The following ASCL5 variants were observed in gnomAD, a reference collection of about 807,000 sequenced individuals.
ASCL5 encodes the protein achaete-scute homolog 5.
For missense variants in ASCL5, 262 were observed against 268.9 expected, an observed-to-expected ratio of 0.97 and a Z score of 0.18; for synonymous variants, 124 against 131.5, an observed-to-expected ratio of 0.94 and a Z score of 0.39.
At chr1:201,125,224 T>G (rs1408518201) in intron 1 of ASCL5, among the ~76,000 whole-genome samples, 1 of 152,210 alleles carries the variant, frequency 6.6e-6, no homozygotes, top group Non-Finnish European at 1.5e-5. Flanking sequence ...GAAAACACGC[T>G]GGCACGCTTC....
At chr1:201,124,039 T>A (rs1663532355) in intron 1 of ASCL5, among the ~76,000 whole-genome samples, 1 of 152,224 alleles carries the variant, frequency 6.6e-6, no homozygotes. Flanking sequence ...TTACTGCAAT[T>A]CCTGTTCTCA....
chr1:201,126,269 C>T (rs1046805927), intron 1 of ASCL5, among the ~76,000 whole-genome samples: 2 of 152,146 alleles, frequency 1.3e-5, no homozygotes, highest in East Asian at 3.9e-4. Flanking sequence ...CTGATTATAG[C>T]TACACACCAC....
At chr1:201,125,342 C>T (rs897318983) in intron 1 of ASCL5, among the ~76,000 whole-genome samples, 2 of 152,162 alleles carry the variant, frequency 1.3e-5, no homozygotes, top group African/African-American at 4.8e-5. Context: ...TCCCCCATAT[C>T]CCCAAATCAG....
chr1:201,122,635 T>A (rs1020799623), intron 1 of ASCL5, among the ~76,000 whole-genome samples: 1 of 152,126 alleles, frequency 6.6e-6, no homozygotes, highest in Non-Finnish European at 1.5e-5. Context: ...GGTCCCCACC[T>A]TTTTTATGAG....
In ASCL5 at chr1:201,126,561, G is replaced by A. The variant is rs1427997474; in HGVS notation, c.-506+523C>T. ...TATTCTATGCCAAGTACTAGTCTAAGCACTTTACCCATTTGATTCTCACAT... is the reference window on the plus strand; with the variant it reads ...TATTCTATGCCAAGTACTAGTCTAAACACTTTACCCATTTGATTCTCACAT... On this transcript the variant is annotated intron_variant, in intron 1 of 1. Transcript: ENST00000449188. 3.9e-5 allele frequency among the ~76,000 whole-genome samples: 6 copies of A among 152,336 alleles called. No homozygotes were observed. In the East Asian group the frequency reaches 1.2e-3, roughly 29 times the overall value.
At chr1:201,122,206 C>G (rs933031982) in intron 1 of ASCL5, among the ~76,000 whole-genome samples, 1 of 152,180 alleles carries the variant, frequency 6.6e-6, no homozygotes, top group Non-Finnish European at 1.5e-5. Context: ...GCCTGCTTAG[C>G]CCCTCACGCT....
intron 1 of ASCL5, among the ~76,000 whole-genome samples, chr1:201,117,808 A>G (rs1256724868): frequency 6.6e-6 from 1 of 152,256 alleles, no homozygotes; most frequent in Admixed American, 6.5e-5. Context: ...TTCAACCAGA[A>G]TGTAAGCAGT....
At chr1:201,117,289 A>C (rs1307448427) in intron 1 of ASCL5, among the ~76,000 whole-genome samples, 1 of 152,062 alleles carries the variant, frequency 6.6e-6, no homozygotes, top group Non-Finnish European at 1.5e-5. Context: ...TACAAAAACT[A>C]GCTGGGTGGA....
intron 1 of ASCL5, among the ~76,000 whole-genome samples, chr1:201,122,401 T>C (rs1224494407): frequency 1.3e-5 from 2 of 152,208 alleles, no homozygotes; most frequent in Non-Finnish European, 2.9e-5. Context: ...TGGAGAAGGA[T>C]GGGCTCGCGT....
intron 1 of ASCL5, among the ~76,000 whole-genome samples, chr1:201,125,735 T>C (rs1487786918): frequency 2.0e-5 from 3 of 152,198 alleles, no homozygotes; most frequent in African/African-American, 7.2e-5. Context: ...GCCCTGCCCC[T>C]GACACATAGG....
In ASCL5 at chr1:201,114,748, C is replaced by A. The variant is rs529129601; in HGVS notation, c.*4G>T. 2.4e-6 allele frequency: 3 copies of A among 1,231,002 alleles called. No individual in the cohort carries two copies. Among genetic ancestry groups the A allele is most frequent in the Non-Finnish European group, 3.0e-6 (3 of 987,560 alleles). 76.3% of individuals were successfully genotyped at this position (1,231,002 alleles called of 1,614,324 possible). ...CTCCAAGCCGGGGGCGGCCACAGGC[C>A]CGATCAATGCCAGGATTCCTCCGAC... On this transcript the variant is annotated 3_prime_UTR_variant, in exon 2 of 2. Coordinates refer to ENST00000449188, the MANE Select transcript of ASCL5 (RefSeq NM_001270601.2).
rs1005289797 is a variant in ASCL5 at position 201,115,284 on chromosome 1, C to T, written c.89G>A (p.Arg30Gln). The T allele has an allele frequency of 1.9e-5, 22 of 1,145,824 alleles. No individual in the cohort carries two copies. In the East Asian group the frequency reaches 4.4e-4, roughly 23 times the overall value. 71.0% of individuals were successfully genotyped at this position (1,145,824 alleles called of 1,614,324 possible). A position where few individuals can be genotyped will look rare whatever the true frequency, so the allele number is the denominator to read the frequency against. ...CTCGGCGGGGGGCAGGGGCGCCTGC[C>T]GGGGAGGGGGCATGACGCCCAGCTG... ...CMQLGVMPPPRQAPLPPAEPL... is the reference protein window; with the variant it reads ...CMQLGVMPPPQQAPLPPAEPL... The change falls in exon 2 of 2, where the codon CGG (arginine) becomes CAG (glutamine). Residue 30 changes from arginine (R) to glutamine (Q), a missense_variant. Coordinates refer to ENST00000449188, the MANE Select transcript of ASCL5 (RefSeq NM_001270601.2).
At chr1:201,126,209 C>A (rs1181074422) in intron 1 of ASCL5, among the ~76,000 whole-genome samples, 1 of 151,846 alleles carries the variant, frequency 6.6e-6, no homozygotes, top group African/African-American at 2.4e-5. Flanking sequence ...GATCATAGCT[C>A]ACTGTAAACT....
Position 201,115,300 on chromosome 1 carries a change from C to T in ASCL5, c.73G>A (p.Val25Ile), listed in dbSNP as rs2102198345. ...GGCGCCTGCCGGGGAGGGGGCATGA[C>T]GCCCAGCTGCATGCAGCTGGGGGGC... ...LGPPSCMQLG[V>I]MPPPRQAPLP... The change falls in exon 2 of 2, where the codon GTC (valine) becomes ATC (isoleucine). Residue 25 changes from valine to isoleucine, a missense_variant. Coordinates refer to ENST00000449188, the MANE Select transcript of ASCL5 (RefSeq NM_001270601.2). The T allele has an allele frequency of 1.6e-6, 2 of 1,230,660 alleles. No individual in the cohort carries two copies. The highest frequency in any genetic ancestry group is 2.0e-6 in the Non-Finnish European group (2 of 987,094). The allele number at this position is 1,230,660 out of a possible 1,614,324, so 76.2% of individuals were successfully genotyped here.
chr1:201,119,551 G>A (rs530634587), intron 1 of ASCL5, among the ~76,000 whole-genome samples: 2 of 152,264 alleles, frequency 1.3e-5, no homozygotes, highest in South Asian at 2.1e-4. Flanking sequence ...AAAATTCAGG[G>A]TAAGAGAAGA....
chr1:201,118,897 AC>A (rs1304583817), intron 1 of ASCL5, among the ~76,000 whole-genome samples: 7 of 152,170 alleles, frequency 4.6e-5, no homozygotes, highest in African/African-American at 1.7e-4. Flanking sequence ...AGGGTAAGTC[AC>A]TTTTTAAAGG....
At chr1:201,117,819 C>T (rs774853143) in intron 1 of ASCL5, among the ~76,000 whole-genome samples, 3 of 152,196 alleles carry the variant, frequency 2.0e-5, no homozygotes, top group African/African-American at 4.8e-5. Flanking sequence ...TGTAAGCAGT[C>T]GGAAGGCAGG....
At chr1:201,121,015 C>T (rs895592540) in intron 1 of ASCL5, among the ~76,000 whole-genome samples, 1 of 152,198 alleles carries the variant, frequency 6.6e-6, no homozygotes, top group African/African-American at 2.4e-5. Context: ...TCACTCATTC[C>T]CCTGCCTCCA....
chr1:201,114,990 G>C lies in ASCL5; in HGVS notation c.383C>G (p.Ala128Gly). Residue 128 changes from alanine to glycine, a missense_variant, in exon 2 of 2, where the codon GCC becomes GGC. Transcript: ENST00000449188. Reference sequence around the variant, plus strand: ...TTGCAGGTACTTTATGTAGCGGATGGCGGCGCGCAGCGTCTCCACCTTGCT... The same window carrying C: ...TTGCAGGTACTTTATGTAGCGGATGCCGGCGCGCAGCGTCTCCACCTTGCT... ...RLSKVETLRA[A>G]IRYIKYLQEL... The C allele has an allele frequency of 8.1e-7, 1 of 1,231,682 alleles. No homozygotes were observed. Among genetic ancestry groups the C allele is most frequent in the Non-Finnish European group, 1.0e-6 (1 of 987,970 alleles). 76.3% of individuals were successfully genotyped at this position (1,231,682 alleles called of 1,614,324 possible).
Sources: gnomAD v4.1 joint callset for allele counts (sites outside exome capture counted in the v4.1 genomes callset) on GRCh38, gnomAD v4.1.1 for gene constraint, MANE v1.5 for transcripts, NCBI Gene and HGNC (gene_info 2026-07-23, HGNC 2026-07-21) for gene names.